GALNT5: variants seen among roughly 807,000 people sequenced by gnomAD.
GALNT5 encodes the protein polypeptide N-acetylgalactosaminyltransferase 5, also known as UDP-GalNAc:polypeptide N-acetylgalactosaminyltransferase 5.
In GALNT5, 72 loss-of-function variants were observed where a neutral mutation model predicts 85.4. That is an observed-to-expected ratio of 0.84 (90% CI 0.70 to 1.03). The LOEUF (loss-of-function observed/expected upper bound fraction) is 1.03. GALNT5 is among the 50% of genes least tolerant of loss of function. The pLI, the probability that GALNT5 is intolerant of heterozygous loss-of-function variation, is 0.00. For synonymous variants in GALNT5, 404 were observed against 397.0 expected (o/e 1.02, Z -0.21); for missense variants, 1,137 against 1,135.5 (o/e 1.00, Z -0.02).
chr2:157,265,244 G>A (rs1682433059), intron 1 of GALNT5, among the ~76,000 whole-genome samples: 1 of 152,204 alleles, frequency 6.6e-6, no homozygotes, highest in African/African-American at 2.4e-5. Flanking sequence ...AAAGGGTTCA[G>A]ACTAGGCTGT....
In GALNT5 at chr2:157,309,532, A is replaced by C. The variant is rs563761320; in HGVS notation, c.2682+804A>C. ...AGAATAGTCTCAGAATTGCCTTCTT[A>C]AATTTTCTACAATCTCTCCAGCAGG... is the stretch of plus-strand genomic sequence containing the variant. On this transcript the variant is annotated intron_variant, in intron 9 of 9. Transcript: ENST00000259056. 1.2e-4 allele frequency among the ~76,000 whole-genome samples: 19 copies of C among 152,280 alleles called. No homozygotes were observed. The South Asian group carries it at 1.9e-3, about 15-fold the overall frequency.
chr2:157,258,324 A>T lies in GALNT5; in HGVS notation c.242A>T (p.His81Leu). 6 of 1,597,914 alleles carry T rather than the reference A, an allele frequency of 3.8e-6. No individual in the cohort carries two copies. The highest frequency in any genetic ancestry group is 5.1e-6 in the Non-Finnish European group (6 of 1,174,188). The change falls in exon 1 of 10, where the codon CAT becomes CTT. Residue 81 changes from histidine to leucine, a missense_variant. By Grantham distance (99) the His-to-Leu change is moderately conservative. Coordinates refer to ENST00000259056, the MANE Select transcript of GALNT5 (RefSeq NM_014568.3). ...GAGATGAAACCTCCCCTAAGGGGAC[A>T]TGGGAAAGGGGCATGGGGCAAAGAG... ...IKEMKPPLRG[H>L]GKGAWGKENV...
chr2:157,311,986 G>A lies in GALNT5; in HGVS notation c.*638G>A, dbSNP rs2105174979. ...TGAATCAGTGGAAAAAAATTTAAGT[G>A]AGGAAGAAGAGGCCTTCAAATGCTT... On this transcript the variant is annotated 3_prime_UTR_variant, in exon 10 of 10. Coordinates refer to ENST00000259056, the MANE Select transcript of GALNT5 (RefSeq NM_014568.3). 6.6e-6 allele frequency: 1 copy of A among 152,244 alleles called. No homozygotes were observed. The highest frequency in any genetic ancestry group is 1.9e-4 in the East Asian group (1 of 5,186). The allele number at this position is 152,244 out of a possible 1,614,324, so 9.4% of individuals were successfully genotyped here.
rs751512187 is a variant in GALNT5, at chr2:157,300,800, G to A, written c.2240G>A (p.Arg747Gln). ...RMKTVERNLV[R>Q]VAEVWLDEYK... Reference sequence around the variant, plus strand: ...AAGACAGTGGAGCGGAACTTGGTGCGGGTTGCCGAGGTCTGGCTGGATGAG... The same window carrying A: ...AAGACAGTGGAGCGGAACTTGGTGCAGGTTGCCGAGGTCTGGCTGGATGAG... The change falls in exon 7 of 10, where the codon CGG becomes CAG. Residue 747 changes from arginine to glutamine, a missense_variant. Transcript: ENST00000259056. 9 of 1,614,062 alleles carry A rather than the reference G, an allele frequency of 5.6e-6. No individual in the cohort carries two copies. The highest frequency in any genetic ancestry group is 4.0e-5 in the African/African-American group (3 of 74,990).
intron 1 of GALNT5, among the ~76,000 whole-genome samples, chr2:157,263,544 C>G (rs1682395724): frequency 6.6e-6 from 1 of 152,126 alleles, no homozygotes; most frequent in South Asian, 2.1e-4. Context: ...TAACTGAATC[C>G]TTGAACGTCT....
intron 3 of GALNT5, among the ~76,000 whole-genome samples, chr2:157,292,713 T>TTA: frequency 7.3e-6 from 1 of 137,084 alleles, no homozygotes; most frequent in South Asian, 2.3e-4. Flanking sequence ...CGTATTATTA[T>TTA]TTTTTTTTTT....
intron 9 of GALNT5, among the ~76,000 whole-genome samples, chr2:157,309,620 G>A (rs546347045): frequency 1.3e-5 from 2 of 152,218 alleles, no homozygotes; most frequent in East Asian, 1.9e-4. Flanking sequence ...AGTTTGTCCT[G>A]GGCTATCCCC....
At chr2:157,259,831 G>A (rs1200797171) in intron 1 of GALNT5, among the ~76,000 whole-genome samples, 3 of 152,192 alleles carry the variant, frequency 2.0e-5, no homozygotes, top group East Asian at 1.9e-4. Flanking sequence ...TCATAATAAC[G>A]TGTATATAAA....
intron 1 of GALNT5, among the ~76,000 whole-genome samples, chr2:157,281,695 A>G (rs1231333655): frequency 1.3e-5 from 2 of 152,220 alleles, no homozygotes; most frequent in African/African-American, 4.8e-5. Context: ...CAAAAATATG[A>G]GCATTGTAAG....
chr2:157,301,106 A>G (rs1683333978), intron 7 of GALNT5, 107 bp downstream of exon 7: 2 of 769,602 alleles, frequency 2.6e-6, no homozygotes, highest in East Asian at 2.6e-5. Flanking sequence ...ATAAACACCA[A>G]GTATGAGCAA....
At chr2:157,290,909 A>G (rs1683084678) in intron 3 of GALNT5, among the ~76,000 whole-genome samples, 1 of 152,160 alleles carries the variant, frequency 6.6e-6, no homozygotes, top group Admixed American at 6.6e-5. Flanking sequence ...AATGTCTACT[A>G]TGCATTCAGT....
chr2:157,312,934 T>C lies in GALNT5; in HGVS notation c.*1586T>C, dbSNP rs939265586. Reference sequence around the variant, plus strand: ...AGATGATTGTGAAACTAGGTATCTTTCATTCTGACTCCTAGTTTAACATTT... The same window carrying C: ...AGATGATTGTGAAACTAGGTATCTTCCATTCTGACTCCTAGTTTAACATTT... On this transcript the variant is annotated 3_prime_UTR_variant, in exon 10 of 10. Transcript: ENST00000259056. 1 of 152,310 alleles carries C rather than the reference T, an allele frequency of 6.6e-6. No homozygotes were observed. Among genetic ancestry groups the C allele is most frequent in the Non-Finnish European group, 1.5e-5 (1 of 68,002 alleles). The allele number at this position is 152,310 out of a possible 1,614,324, so 9.4% of individuals were successfully genotyped here. A position where few individuals can be genotyped will look rare whatever the true frequency, so the allele number is the denominator to read the frequency against.
Position 157,274,695 on chromosome 2 carries a change from C to T in GALNT5, c.1455-9587C>T, listed in dbSNP as rs1012780768. On this transcript the variant is annotated intron_variant, in intron 1 of 9. Transcript: ENST00000259056. ...GGGGTTGTTTGTTTTTTTTCTTGTA[C>T]ATTTGTTTGAGTTCTTTGTAGATTC... Among the ~76,000 whole-genome samples the T allele has an allele frequency of 2.0e-5, 3 of 151,588 alleles. No individual in the cohort carries two copies. The East Asian group carries it at 5.8e-4, about 29-fold the overall frequency.
At chr2:157,307,766 C>T (rs6725172) in intron 8 of GALNT5, among the ~76,000 whole-genome samples, 124,113 of 152,182 alleles carry the variant, frequency 0.82, 51,969 homozygotes, top group South Asian at 0.92. Context: ...TACCAGAAGC[C>T]TATTTTTTTC....
rs1051695620 is a variant in GALNT5, at chr2:157,312,371, A to C, written c.*1023A>C. The stretch of plus-strand genomic sequence containing the variant: ...GGGAAAATGAAGTGAAGGAAACATC[A>C]TGAAAGGGGAAAGGAATGAGGTAAA... On this transcript the variant is annotated 3_prime_UTR_variant, in exon 10 of 10. Transcript: ENST00000259056. The C allele has an allele frequency of 3.3e-5, 5 of 152,128 alleles. No individual in the cohort carries two copies. Among genetic ancestry groups the C allele is most frequent in the Admixed American group, 6.6e-5 (1 of 15,246 alleles). The allele number at this position is 152,128 out of a possible 1,614,324, so 9.4% of individuals were successfully genotyped here.
At chr2:157,290,112 T>TATACAC (rs1416458086) in intron 3 of GALNT5, among the ~76,000 whole-genome samples, 16 of 138,258 alleles carry the variant, frequency 1.2e-4, no homozygotes, top group African/African-American at 4.9e-4. Flanking sequence ...TATATATATA[T>TATACAC]ACATACACAA....
chr2:157,260,243 AC>A (rs962513382), intron 1 of GALNT5, among the ~76,000 whole-genome samples: 1 of 152,240 alleles, frequency 6.6e-6, no homozygotes, highest in African/African-American at 2.4e-5. Context: ...GAGCCTGCAT[AC>A]ACATAGATGA....
chr2:157,260,453 A>G (rs1276991043), intron 1 of GALNT5, among the ~76,000 whole-genome samples: 1 of 152,244 alleles, frequency 6.6e-6, no homozygotes, highest in African/African-American at 2.4e-5. Context: ...ATAGATATTT[A>G]ATCTGATTCA....
rs971926635 is a variant in GALNT5 at position 157,317,871 on chromosome 2, T to C, written c.*6523T>C. On this transcript the variant is annotated 3_prime_UTR_variant, in exon 10 of 10. Coordinates refer to ENST00000259056, the MANE Select transcript of GALNT5 (RefSeq NM_014568.3). ...GATTGCCTGGCTCAGTTATCTCATG[T>C]TCTTCATGAACTATATACACATTTT... 2.6e-5 allele frequency among the ~76,000 whole-genome samples: 4 copies of C among 152,156 alleles called. No homozygotes were observed. Among genetic ancestry groups the C allele is most frequent in the African/African-American group, 9.6e-5 (4 of 41,454 alleles).
Sources: gnomAD v4.1 joint callset for allele counts (sites outside exome capture counted in the v4.1 genomes callset) on GRCh38, gnomAD v4.1.1 for gene constraint, MANE v1.5 for transcripts, NCBI Gene and HGNC (gene_info 2026-07-23, HGNC 2026-07-21) for gene names.